Variants in EDA observed in about 807,000 individuals in gnomAD.
The protein encoded by EDA is ectodysplasin A, also known as ectodysplasin-A.
Under a neutral mutation model 23.6 loss-of-function variants are expected in EDA, and 2 were observed. That is an observed-to-expected ratio of 0.08 (90% CI 0.03 to 0.27). The LOEUF is 0.27. Among genes scored for constraint, EDA ranks in the 10% least tolerant of loss-of-function variants. The pLI, the probability that EDA is intolerant of heterozygous loss-of-function variation, is 1.00. For synonymous variants in EDA, 131 were observed against 132.0 expected (o/e 0.99, Z 0.05); for missense variants, 229 against 324.2 (o/e 0.71, Z 2.26).
At chrX:69,669,525 TC>T (rs1933809019) in intron 1 of EDA, among the ~76,000 whole-genome samples, 1 of 112,150 alleles carries the variant, frequency 8.9e-6, no homozygotes, top group African/African-American at 3.2e-5. Flanking sequence ...AATTTCAACT[TC>T]TATCACATGC....
chrX:69,935,495 C>A (rs192344581), intron 1 of EDA, among the ~76,000 whole-genome samples: 1 of 111,296 alleles, frequency 9.0e-6, no homozygotes, highest in South Asian at 3.7e-4. Flanking sequence ...ATTTTTGAAG[C>A]CTTTATTTAC....
chrX:69,994,692 T>C (rs977051732), intron 2 of EDA, among the ~76,000 whole-genome samples: 3 of 111,632 alleles, frequency 2.7e-5, no homozygotes, highest in Non-Finnish European at 5.6e-5. Flanking sequence ...CAGCTTACAG[T>C]GAGAGGTTAT....
chrX:69,890,505 A>G (rs1327537519), intron 1 of EDA, among the ~76,000 whole-genome samples: 1 of 111,403 alleles, frequency 9.0e-6, no homozygotes. Flanking sequence ...CAACTATACT[A>G]TAGGGCTACA....
chrX:69,812,505 A>G (rs764072567), intron 1 of EDA, among the ~76,000 whole-genome samples: 6 of 112,164 alleles, frequency 5.3e-5, no homozygotes, highest in Non-Finnish European at 1.9e-5. Flanking sequence ...TGTTCATCCA[A>G]TGTCTGCTTT....
intron 1 of EDA, 31 bp from the exon 2 acceptor site, chrX:69,956,996 C>T (rs776830471): frequency 8.5e-7 from 1 of 1,177,535 alleles, no homozygotes; most frequent in Non-Finnish European, 1.2e-6. Flanking sequence ...GTGGGGTCAA[C>T]CTTTGACTAA....
intron 1 of EDA, among the ~76,000 whole-genome samples, chrX:69,665,441 T>C (rs1276672701): frequency 8.9e-6 from 1 of 111,873 alleles, no homozygotes; most frequent in East Asian, 2.8e-4. Context: ...TTTTATAATC[T>C]CTGGTCTTAC....
At chrX:70,023,429 T>C (rs771212721) in intron 3 of EDA, among the ~76,000 whole-genome samples, 188 bp downstream of exon 3, 2 of 108,775 alleles carry the variant, frequency 1.8e-5, no homozygotes, top group Non-Finnish European at 3.8e-5. Context: ...TCAGTGATGA[T>C]TCACCTCTTT....
At chrX:69,988,685 G>A (rs1602588619) in intron 2 of EDA, among the ~76,000 whole-genome samples, 3 of 110,495 alleles carry the variant, frequency 2.7e-5, no homozygotes, top group Admixed American at 1.9e-4. Flanking sequence ...GTGAAACCCC[G>A]TCTCTACTAA....
intron 1 of EDA, among the ~76,000 whole-genome samples, chrX:69,706,623 C>T (rs779224336): frequency 4.2e-5 from 3 of 71,392 alleles, no homozygotes; most frequent in East Asian, 4.5e-4. Context: ...CAGGACAACT[C>T]GAAGAAGGGT....
chrX:69,634,735 G>A (rs925954614), intron 1 of EDA, among the ~76,000 whole-genome samples: 3 of 109,951 alleles, frequency 2.7e-5, no homozygotes, highest in South Asian at 3.9e-4. Context: ...TCTTTCCTAC[G>A]TATCTCTTAA....
intron 2 of EDA, among the ~76,000 whole-genome samples, chrX:70,020,332 C>T (rs975299879): frequency 2.2e-4 from 24 of 111,123 alleles, no homozygotes; most frequent in East Asian, 2.0e-3. Flanking sequence ...CCGAGGCAGG[C>T]GGATCACGAG....
chrX:69,871,630 T>C (rs1457689932), intron 1 of EDA, among the ~76,000 whole-genome samples: 2 of 111,859 alleles, frequency 1.8e-5, no homozygotes, highest in Non-Finnish European at 3.8e-5. Flanking sequence ...CTGACTGAAA[T>C]ATTAATCTCT....
At chrX:69,693,472 C>G (rs1264244444) in intron 1 of EDA, among the ~76,000 whole-genome samples, 1 of 111,665 alleles carries the variant, frequency 9.0e-6, no homozygotes, top group Non-Finnish European at 1.9e-5. Flanking sequence ...CCTAATTCCT[C>G]TCAGTAAAAC....
intron 1 of EDA, among the ~76,000 whole-genome samples, chrX:69,715,995 A>G (rs992333815): frequency 9.0e-6 from 1 of 111,684 alleles, no homozygotes; most frequent in South Asian, 3.7e-4. Flanking sequence ...TGCATAGTTT[A>G]CACATATTTT....
intron 1 of EDA, among the ~76,000 whole-genome samples, chrX:69,943,929 G>A (rs2018798882): frequency 9.4e-6 from 1 of 106,594 alleles, no homozygotes; most frequent in Non-Finnish European, 1.9e-5. Flanking sequence ...TCCTCAAGCA[G>A]AAGAGTCTCT....
At chrX:69,717,212 A>G (rs2012373371) in intron 1 of EDA, among the ~76,000 whole-genome samples, 2 of 110,808 alleles carry the variant, frequency 1.8e-5, no homozygotes, top group South Asian at 7.8e-4. Context: ...TTTGTCATAA[A>G]TGGCTTTTAT....
At chrX:69,783,153 T>C (rs1343943093) in intron 1 of EDA, among the ~76,000 whole-genome samples, 1 of 111,725 alleles carries the variant, frequency 9.0e-6, no homozygotes, top group Non-Finnish European at 1.9e-5. Context: ...GCTATTGTCA[T>C]TGGAGTTAAA....
intron 1 of EDA, chrX:69,743,066 T>A (rs2013509601): frequency 9.0e-6 from 1 of 111,305 alleles, no homozygotes; most frequent in East Asian, 2.8e-4. Context: ...AGTCACCTCA[T>A]TTTTTTCCTA....
intron 1 of EDA, among the ~76,000 whole-genome samples, chrX:69,903,430 T>G (rs2018125248): frequency 9.0e-6 from 1 of 111,387 alleles, no homozygotes; most frequent in African/African-American, 3.3e-5. Flanking sequence ...GAACCCAGTC[T>G]GAAGCAATTT....
Sources: gnomAD v4.1 joint callset for allele counts (sites outside exome capture counted in the v4.1 genomes callset) on GRCh38, gnomAD v4.1.1 for gene constraint, MANE v1.5 for transcripts, NCBI Gene and HGNC (gene_info 2026-07-23, HGNC 2026-07-21) for gene names.